The following ACSM2A variants were observed in gnomAD, a reference collection of about 807,000 sequenced individuals.
ACSM2A encodes the protein acyl-coenzyme A synthetase ACSM2A, mitochondrial.
In ACSM2A, 72 loss-of-function variants were observed where a neutral mutation model predicts 76.6. The ratio of observed to expected loss-of-function variants is 0.94; its 90% CI spans 0.78 to 1.14. ACSM2A has a LOEUF of 1.14. ACSM2A is among the 50% of genes most tolerant of loss of function. The probability of loss-of-function intolerance (pLI) is 0.00; values close to 1 mark genes in which losing one functional copy is unlikely to be tolerated. For missense variants in ACSM2A, 684 were observed against 708.5 expected (o/e 0.97, Z 0.39); for synonymous variants, 249 against 255.9 (o/e 0.97, Z 0.26).
intron 3 of ACSM2A, among the ~76,000 whole-genome samples, chr16:20,467,613 G>A (rs190949876): frequency 2.0e-5 from 3 of 152,160 alleles, no homozygotes; most frequent in East Asian, 1.9e-4. Context: ...GAGAGAGAGA[G>A]AAGTACAGAC....
chr16:20,480,476 A>T, intron 10 of ACSM2A, 97 bp from the exon 11 acceptor site: 1 of 1,524,264 alleles, frequency 6.6e-7, no homozygotes. Flanking sequence ...GCACACCTGC[A>T]GTTTTAATAA....
chr16:20,461,463 T>C (rs1378811879), intron 2 of ACSM2A, among the ~76,000 whole-genome samples: 2 of 152,090 alleles, frequency 1.3e-5, no homozygotes, highest in African/African-American at 4.8e-5. Flanking sequence ...AAAAGTAAAT[T>C]TGCTATATAA....
chr16:20,480,162 T>G (rs2014000041), intron 10 of ACSM2A, among the ~76,000 whole-genome samples: 1 of 152,184 alleles, frequency 6.6e-6, no homozygotes, highest in South Asian at 2.1e-4. Flanking sequence ...CTGGCTAATG[T>G]CTCTAGAACT....
At chr16:20,482,510 C>G (rs1333823329) in intron 12 of ACSM2A, 1 of 153,160 alleles carries the variant, frequency 6.5e-6, no homozygotes, top group Non-Finnish European at 1.5e-5. Context: ...AGGGTGTAAG[C>G]CTGGCACTAT....
intron 1 of ACSM2A, among the ~76,000 whole-genome samples, chr16:20,454,912 T>C (rs1254795555): frequency 2.1e-5 from 3 of 141,684 alleles, no homozygotes; most frequent in Admixed American, 2.1e-4. Context: ...AAAAAAAAAA[T>C]ACAAGTTATG....
At chr16:20,486,479 C>T in intron 13 of ACSM2A, 95 bp from the exon 14 acceptor site, 1 of 1,401,028 alleles carries the variant, frequency 7.1e-7, no homozygotes, top group Non-Finnish European at 1.0e-6. Flanking sequence ...GTGGCTCCAG[C>T]CTGAAGAACT....
intron 2 of ACSM2A, among the ~76,000 whole-genome samples, chr16:20,464,154 C>T (rs2012811634): frequency 6.6e-6 from 1 of 152,214 alleles, no homozygotes; most frequent in Non-Finnish European, 1.5e-5. Context: ...TTGGTCACAA[C>T]TATTTAACCA....
At chr16:20,463,074 C>A in intron 2 of ACSM2A, among the ~76,000 whole-genome samples, 1 of 111,992 alleles carries the variant, frequency 8.9e-6, no homozygotes, top group Non-Finnish European at 1.7e-5. Flanking sequence ...ACACACTGGG[C>A]CTGTTATGGG....
chr16:20,455,824 G>A (rs2012119346), intron 1 of ACSM2A, among the ~76,000 whole-genome samples: 2 of 151,360 alleles, frequency 1.3e-5, no homozygotes, highest in Non-Finnish European at 2.9e-5. Flanking sequence ...GAATGTAAAC[G>A]GCCTAAGTAC....
At position 20,465,535 on chromosome 16, in the gene ACSM2A, A is replaced by G. The variant is rs776024301; in HGVS notation, c.196A>G (p.Ser66Gly). 1.2e-6 allele frequency: 2 copies of G among 1,613,974 alleles called. No homozygotes were observed. The highest frequency in any genetic ancestry group is 2.2e-5 in the South Asian group (2 of 91,064). ...TCCTCAGGCTGGCAAGCGACTCCCAAGCCCAGCCCTGTGGTGGGTGAATGG... is the reference window on the plus strand; with the variant it reads ...TCCTCAGGCTGGCAAGCGACTCCCAGGCCCAGCCCTGTGGTGGGTGAATGG... Reference protein sequence around the residue: ...DMEKAGKRLPSPALWWVNGKG... With the variant: ...DMEKAGKRLPGPALWWVNGKG... The change falls in exon 3 of 14, where the codon AGC (serine) becomes GGC (glycine). Residue 66 changes from serine (S) to glycine (G), a missense_variant. Ser to Gly is a moderately conservative substitution (Grantham distance 56). Transcript: ENST00000573854.
chr16:20,485,805 G>T (rs59514705), intron 13 of ACSM2A, among the ~76,000 whole-genome samples: 7,289 of 152,196 alleles, frequency 0.048, 556 homozygotes, highest in African/African-American at 0.16. Flanking sequence ...TTAATAAAGG[G>T]TTAATTTTTA....
At chr16:20,479,906 G>A (rs544391904) in intron 10 of ACSM2A, among the ~76,000 whole-genome samples, 32 of 151,966 alleles carry the variant, frequency 2.1e-4, no homozygotes, top group East Asian at 7.7e-4. Context: ...GATGTCTCTG[G>A]TCATCAGTAT....
intron 6 of ACSM2A, 135 bp from the exon 7 acceptor site, chr16:20,475,227 T>A: frequency 6.4e-7 from 1 of 1,550,698 alleles, no homozygotes; most frequent in Non-Finnish European, 8.7e-7. Context: ...TTAACCTGAA[T>A]CAGACATAGT....
intron 3 of ACSM2A, among the ~76,000 whole-genome samples, chr16:20,466,037 C>G (rs544179636): frequency 6.6e-6 from 1 of 152,200 alleles, no homozygotes; most frequent in South Asian, 2.1e-4. Context: ...TATGAGAATT[C>G]TATTAAAATC....
intron 1 of ACSM2A, among the ~76,000 whole-genome samples, chr16:20,458,189 T>C (rs1254011443): frequency 1.3e-5 from 2 of 151,572 alleles, no homozygotes. Flanking sequence ...CCTATGCTCA[T>C]GGATGGGTAG....
intron 3 of ACSM2A, among the ~76,000 whole-genome samples, chr16:20,467,105 T>G (rs1364317295): frequency 6.6e-6 from 1 of 152,166 alleles, no homozygotes; most frequent in Non-Finnish European, 1.5e-5. Context: ...TTTCCCTCAG[T>G]GTCATAATTT....
chr16:20,466,245 G>A (rs929445545), intron 3 of ACSM2A, among the ~76,000 whole-genome samples: 1 of 149,158 alleles, frequency 6.7e-6, no homozygotes, highest in African/African-American at 2.4e-5. Flanking sequence ...TGCAGAAAAA[G>A]TTTGCCAATG....
intron 5 of ACSM2A, 150 bp downstream of exon 5, chr16:20,471,366 A>G: frequency 6.7e-7 from 1 of 1,493,376 alleles, no homozygotes; most frequent in Non-Finnish European, 9.0e-7. Flanking sequence ...GGATAGAACA[A>G]CTTTTCTTCC....
intron 2 of ACSM2A, among the ~76,000 whole-genome samples, chr16:20,462,048 T>G (rs1323400007): frequency 2.6e-5 from 4 of 152,210 alleles, no homozygotes; most frequent in Admixed American, 2.6e-4. Context: ...AGTTCCTTGC[T>G]GTAGAATCAC....
Sources: gnomAD v4.1 joint callset for allele counts (sites outside exome capture counted in the v4.1 genomes callset) on GRCh38, gnomAD v4.1.1 for gene constraint, MANE v1.5 for transcripts, NCBI Gene and HGNC (gene_info 2026-07-23, HGNC 2026-07-21) for gene names.